Variants in BICC1 observed in about 807,000 individuals in gnomAD.
The protein encoded by BICC1 is protein bicaudal C homolog 1.
A neutral mutation model predicts 111.0 loss-of-function variants in BICC1; 43 were observed. The ratio of observed to expected loss-of-function variants is 0.39; its 90% CI spans 0.30 to 0.50. The LOEUF (loss-of-function observed/expected upper bound fraction) is 0.50, where lower values mean the gene tolerates loss of function less well. Among genes scored for constraint, BICC1 ranks in the 20% least tolerant of loss-of-function variants. The pLI is 0.88. For synonymous variants in BICC1, 467 were observed against 434.4 expected (o/e 1.07, Z -0.93); for missense variants, 1,091 against 1,203.2 (o/e 0.91, Z 1.38).
intron 3 of BICC1, among the ~76,000 whole-genome samples, chr10:58,717,121 C>T (rs1840770345): frequency 6.6e-6 from 1 of 152,156 alleles, no homozygotes; most frequent in Non-Finnish European, 1.5e-5. Context: ...TTTAAATAGA[C>T]ACTGGTACTT....
intron 2 of BICC1, among the ~76,000 whole-genome samples, chr10:58,621,220 G>T (rs908151245): frequency 6.6e-6 from 1 of 152,198 alleles, no homozygotes; most frequent in African/African-American, 2.4e-5. Context: ...ATAGGAAGGG[G>T]TTATTGTGCA....
intron 3 of BICC1, among the ~76,000 whole-genome samples, chr10:58,736,784 C>CAGT: frequency 6.6e-6 from 1 of 152,224 alleles, no homozygotes; most frequent in African/African-American, 2.4e-5. Context: ...TACTAAAGAA[C>CAGT]AGTAGTCTTT....
intron 3 of BICC1, among the ~76,000 whole-genome samples, chr10:58,783,196 G>C (rs1842925804): frequency 6.6e-6 from 1 of 152,168 alleles, no homozygotes; most frequent in South Asian, 2.1e-4. Flanking sequence ...CAGCCACCAG[G>C]AGAGGGTGGG....
chr10:58,542,407 T>C (rs1276648041), intron 1 of BICC1, among the ~76,000 whole-genome samples: 2 of 152,026 alleles, frequency 1.3e-5, no homozygotes, highest in African/African-American at 4.8e-5. Flanking sequence ...TACCTGAAAT[T>C]ATTAAGCTCC....
chr10:58,699,736 C>G (rs956955625), intron 2 of BICC1, among the ~76,000 whole-genome samples: 3 of 151,850 alleles, frequency 2.0e-5, no homozygotes, highest in Admixed American at 2.0e-4. Context: ...AATCTGTAGC[C>G]CAGGCTGGAA....
At chr10:58,636,515 G>A (rs995989466) in intron 2 of BICC1, among the ~76,000 whole-genome samples, 1 of 152,132 alleles carries the variant, frequency 6.6e-6, no homozygotes, top group Admixed American at 6.5e-5. Context: ...GGCCTAGGAA[G>A]TAGGTTTTTA....
chr10:58,513,276 G>C lies in BICC1; in HGVS notation c.133G>C (p.Glu45Gln), dbSNP rs780995274. The change falls in exon 1 of 21, where the codon GAG (glutamate) becomes CAG (glutamine). Residue 45 changes from glutamate to glutamine, a missense_variant. Physicochemically the swap from Glu to Gln is conservative, Grantham distance 29. Transcript: ENST00000373886. ...CGCCGGGGCGACCCTGCACAGCCCG[G>C]AGTGGAGCGAGGAGCGCTTCCGCGT... ...LVAGATLHSP[E>Q]WSEERFRVDR... The C allele has an allele frequency of 6.2e-7, 1 of 1,612,856 alleles. No homozygotes were observed. The highest frequency in any genetic ancestry group is 1.1e-5 in the South Asian group (1 of 90,954).
chr10:58,555,109 C>T (rs1279191135), intron 1 of BICC1, among the ~76,000 whole-genome samples: 5 of 151,748 alleles, frequency 3.3e-5, no homozygotes, highest in Non-Finnish European at 4.4e-5. Context: ...ACCATTTTAG[C>T]TGAAATGGTT....
At chr10:58,607,344 A>ATAAATAAATAAATAAATAAAT (rs1564510203) in intron 1 of BICC1, among the ~76,000 whole-genome samples, 4 of 151,738 alleles carry the variant, frequency 2.6e-5, no homozygotes, top group East Asian at 1.9e-4. Context: ...AAATAAATAA[A>ATAAATAAATAAATAAATAAAT]ACTGTCATGC....
At chr10:58,794,189 G>C (rs573055879) in intron 9 of BICC1, among the ~76,000 whole-genome samples, 1 of 151,336 alleles carries the variant, frequency 6.6e-6, no homozygotes. Flanking sequence ...GTGTGTGTGT[G>C]TGTGTGTGTG....
At chr10:58,728,237 A>G (rs915590636) in intron 3 of BICC1, among the ~76,000 whole-genome samples, 11 of 152,232 alleles carry the variant, frequency 7.2e-5, no homozygotes, top group African/African-American at 2.7e-4. Context: ...TACAATTGTC[A>G]TCAATCCTCT....
At chr10:58,815,354 C>T (rs1192396205) in intron 18 of BICC1, among the ~76,000 whole-genome samples, 4 of 152,174 alleles carry the variant, frequency 2.6e-5, no homozygotes, top group African/African-American at 2.4e-5. Context: ...AGCCTGGAGA[C>T]TTCCCATTAG....
At chr10:58,724,942 C>T (rs1841055978) in intron 3 of BICC1, among the ~76,000 whole-genome samples, 1 of 152,164 alleles carries the variant, frequency 6.6e-6, no homozygotes, top group Non-Finnish European at 1.5e-5. Context: ...GCTGTCTATT[C>T]CCTCCCTTGG....
intron 17 of BICC1, among the ~76,000 whole-genome samples, chr10:58,807,960 T>C (rs1053906162): frequency 6.6e-6 from 1 of 152,158 alleles, no homozygotes; most frequent in Non-Finnish European, 1.5e-5. Flanking sequence ...CAAACACTGG[T>C]TAAGGGTTTC....
At chr10:58,566,181 C>A (rs573635129) in intron 1 of BICC1, among the ~76,000 whole-genome samples, 1 of 150,936 alleles carries the variant, frequency 6.6e-6, no homozygotes, top group African/African-American at 2.4e-5. Flanking sequence ...CATATACACA[C>A]GTGTGTATAT....
intron 3 of BICC1, among the ~76,000 whole-genome samples, chr10:58,732,900 G>C (rs1379896514): frequency 3.3e-5 from 5 of 151,996 alleles, no homozygotes; most frequent in Non-Finnish European, 7.4e-5. Context: ...TAATGGAAAA[G>C]TTTGAAATAT....
chr10:58,595,944 C>G (rs1183577816), intron 1 of BICC1, among the ~76,000 whole-genome samples: 1 of 151,894 alleles, frequency 6.6e-6, no homozygotes, highest in Non-Finnish European at 1.5e-5. Context: ...TTGAAAAGAT[C>G]AACAAAATAG....
At chr10:58,598,718 G>T (rs1413133255) in intron 1 of BICC1, among the ~76,000 whole-genome samples, 1 of 152,042 alleles carries the variant, frequency 6.6e-6, no homozygotes, top group Non-Finnish European at 1.5e-5. Flanking sequence ...GAGTGAACAG[G>T]CAACCTACAG....
At chr10:58,822,820 G>A (rs1033604167) in intron 20 of BICC1, among the ~76,000 whole-genome samples, 2 of 152,150 alleles carry the variant, frequency 1.3e-5, no homozygotes, top group African/African-American at 4.8e-5. Context: ...TATGGATGCA[G>A]TATAGCTGGG....
Sources: gnomAD v4.1 joint callset for allele counts (sites outside exome capture counted in the v4.1 genomes callset) on GRCh38, gnomAD v4.1.1 for gene constraint, MANE v1.5 for transcripts, NCBI Gene and HGNC (gene_info 2026-07-23, HGNC 2026-07-21) for gene names.